Variants in CCDC141 observed in about 807,000 individuals in gnomAD.
The protein encoded by CCDC141 is coiled-coil domain-containing protein 141.
A neutral mutation model predicts 181.0 loss-of-function variants in CCDC141; 168 were observed. The observed-to-expected ratio is 0.93, with a 90% CI of 0.82 to 1.05. CCDC141 has a LOEUF of 1.05. CCDC141 is among the 50% of genes least tolerant of loss of function. The pLI is 0.00. For missense variants in CCDC141, 1,902 were observed against 1,788.5 expected, an observed-to-expected ratio of 1.06 and a Z score of -1.14; for synonymous variants, 666 against 642.3, an observed-to-expected ratio of 1.04 and a Z score of -0.56.
At chr2:178,909,426 T>C (rs749109303) in intron 7 of CCDC141, among the ~76,000 whole-genome samples, 3 of 152,200 alleles carry the variant, frequency 2.0e-5, no homozygotes, top group Non-Finnish European at 2.9e-5. Flanking sequence ...GAATACCTAT[T>C]GGTACGATGG....
intron 6 of CCDC141, among the ~76,000 whole-genome samples, chr2:178,929,739 C>G (rs1689030803): frequency 6.6e-6 from 1 of 152,098 alleles, no homozygotes; most frequent in African/African-American, 2.4e-5. Context: ...TATTCTGACT[C>G]TATCACTTAC....
chr2:179,017,711 G>A (rs1399009132), intron 2 of CCDC141, among the ~76,000 whole-genome samples: 2 of 152,142 alleles, frequency 1.3e-5, no homozygotes, highest in East Asian at 3.9e-4. Context: ...TTAAAAATCA[G>A]GGCAGTTACC....
chr2:178,998,882 G>C (rs986811693), intron 2 of CCDC141, among the ~76,000 whole-genome samples: 6 of 152,200 alleles, frequency 3.9e-5, no homozygotes, highest in Admixed American at 1.3e-4. Context: ...CTCCAGAAAT[G>C]TTAATGTGTA....
chr2:178,890,269 G>A (rs895797448), intron 8 of CCDC141, among the ~76,000 whole-genome samples: 2 of 152,038 alleles, frequency 1.3e-5, no homozygotes, highest in Non-Finnish European at 2.9e-5. Context: ...AAGATAAAAG[G>A]TGCCCACTCC....
At chr2:178,988,937 C>G (rs748899194) in intron 2 of CCDC141, among the ~76,000 whole-genome samples, 1 of 152,070 alleles carries the variant, frequency 6.6e-6, no homozygotes, top group Non-Finnish European at 1.5e-5. Context: ...ACTAGAAGTA[C>G]TAGATATTCA....
intron 4 of CCDC141, among the ~76,000 whole-genome samples, chr2:178,967,659 A>G (rs1690700121): frequency 6.6e-6 from 1 of 152,240 alleles, no homozygotes; most frequent in Non-Finnish European, 1.5e-5. Context: ...AAGAACATTG[A>G]CACTACGAAG....
At chr2:178,877,344 G>T (rs1185410689) in intron 12 of CCDC141, 1 of 152,132 alleles carries the variant, frequency 6.6e-6, no homozygotes, top group Non-Finnish European at 1.5e-5. Flanking sequence ...AAAAAAGAAG[G>T]TTTCTAGCAG....
Position 178,975,111 on chromosome 2 carries a change from C to T in CCDC141, c.472G>A (p.Glu158Lys). The T allele has an allele frequency of 6.5e-7, 1 of 1,529,144 alleles. No individual in the cohort carries two copies. Among genetic ancestry groups the T allele is most frequent in the Non-Finnish European group, 8.8e-7 (1 of 1,130,988 alleles). The allele number at this position is 1,529,144 out of a possible 1,614,324, so 94.7% of individuals were successfully genotyped here. Residue 158 changes from glutamate (E) to lysine (K), a missense_variant, in exon 4 of 24, where the codon GAG becomes AAG. By Grantham distance (56) the Glu-to-Lys change is moderately conservative. Coordinates refer to ENST00000443758, the MANE Select transcript of CCDC141 (RefSeq NM_173648.4). ...AGTGATTTTAAGGACTCAGCACTCT[C>T]AAACTCATGAGTATTCTGGAGGAAA... ...EDFLQNTHEF[E>K]SAESLKSLLQ...
chr2:178,992,167 T>C (rs1327521488), intron 2 of CCDC141, among the ~76,000 whole-genome samples: 3 of 152,006 alleles, frequency 2.0e-5, no homozygotes, highest in Non-Finnish European at 2.9e-5. Context: ...GTACAAGTTT[T>C]TGGGTAGACA....
chr2:178,987,353 A>G (rs537738915), intron 2 of CCDC141, among the ~76,000 whole-genome samples: 4,343 of 152,094 alleles, frequency 0.029, 223 homozygotes, highest in African/African-American at 0.098. Flanking sequence ...TAGACCTAAA[A>G]CCATAAAAAC....
chr2:178,925,281 A>T (rs1025353276), intron 6 of CCDC141, among the ~76,000 whole-genome samples: 2 of 152,190 alleles, frequency 1.3e-5, no homozygotes, highest in Admixed American at 6.5e-5. Flanking sequence ...AGATATTTTT[A>T]AAGTTGCAGG....
intron 2 of CCDC141, among the ~76,000 whole-genome samples, chr2:178,994,278 C>A (rs1439163235): frequency 6.6e-6 from 1 of 152,244 alleles, no homozygotes; most frequent in African/African-American, 2.4e-5. Context: ...TTCCATACAT[C>A]TGCTGAAGTC....
At chr2:178,986,846 T>A (rs941540394) in intron 2 of CCDC141, among the ~76,000 whole-genome samples, 6 of 150,834 alleles carry the variant, frequency 4.0e-5, no homozygotes, top group Non-Finnish European at 7.4e-5. Flanking sequence ...GAACATTCCA[T>A]GCTCATGGGT....
At chr2:178,980,245 G>T (rs1691311482) in intron 2 of CCDC141, among the ~76,000 whole-genome samples, 1 of 151,994 alleles carries the variant, frequency 6.6e-6, no homozygotes. Flanking sequence ...GTCAAGAGAT[G>T]GAGACCATCC....
intron 4 of CCDC141, among the ~76,000 whole-genome samples, chr2:178,965,568 C>T (rs34128141): frequency 6.6e-6 from 1 of 152,128 alleles, no homozygotes. Context: ...GAGGGACAGC[C>T]TGAGGAACTC....
At chr2:179,043,769 A>G (rs146761348) in intron 2 of CCDC141, among the ~76,000 whole-genome samples, 220 of 152,316 alleles carry the variant, frequency 1.4e-3, no homozygotes, top group African/African-American at 4.9e-3. Flanking sequence ...CCAGCACAAG[A>G]CAAGGATGCC....
At chr2:178,826,329 G>C (rs574593900), downstream of CCDC141, among the ~76,000 whole-genome samples, 120 of 152,254 alleles carry the variant, frequency 7.9e-4, 2 homozygotes, top group African/African-American at 2.8e-3. Context: ...TAACTTATTA[G>C]TGTTGTGTTG....
At chr2:178,939,853 A>T (rs1013626405) in intron 6 of CCDC141, among the ~76,000 whole-genome samples, 1 of 152,152 alleles carries the variant, frequency 6.6e-6, no homozygotes, top group Non-Finnish European at 1.5e-5. Flanking sequence ...CAACTCACCC[A>T]CAAGGGGTAA....
chr2:178,868,133 C>T lies in CCDC141; in HGVS notation c.2467G>A (p.Val823Met), dbSNP rs146679255. Residue 823 changes from valine to methionine, a missense_variant, in exon 16 of 24, where the codon GTG becomes ATG. Val to Met is a conservative substitution (Grantham distance 21). Coordinates refer to ENST00000443758, the MANE Select transcript of CCDC141 (RefSeq NM_173648.4). ...QPKELGDAHD[V>M]QIHLRCSQEK... The stretch of plus-strand genomic sequence containing the variant: ...TGAGAGCACCGGAGGTGAATCTGCA[C>T]ATCATGGGCATCACCCAGTTCCTTC... The T allele has an allele frequency of 1.2e-6, 2 of 1,614,052 alleles. No individual in the cohort carries two copies. Among genetic ancestry groups the T allele is most frequent in the South Asian group, 1.1e-5 (1 of 91,086 alleles).
Sources: gnomAD v4.1 joint callset for allele counts (sites outside exome capture counted in the v4.1 genomes callset) on GRCh38, gnomAD v4.1.1 for gene constraint, MANE v1.5 for transcripts, NCBI Gene and HGNC (gene_info 2026-07-23, HGNC 2026-07-21) for gene names.